Variants in DSE observed in about 807,000 individuals in gnomAD.
The protein encoded by DSE is dermatan-sulfate epimerase.
In DSE, 36 loss-of-function variants were observed where a neutral mutation model predicts 84.4. The ratio of observed to expected loss-of-function variants is 0.43; its 90% CI spans 0.33 to 0.56. The LOEUF is 0.56. Among genes scored for constraint, DSE ranks in the 20% least tolerant of loss-of-function variants. DSE has a pLI of 0.06. For synonymous variants in DSE, 410 were observed against 430.1 expected (o/e 0.95, Z 0.58); for missense variants, 862 against 1,169.6 (o/e 0.74, Z 3.84).
chr6:116,443,899 T>C lies in DSE; in HGVS notation c.*6554T>C, dbSNP rs562507256. ...AGGACACTAGAAGTACCTTTCTGTG[T>C]AAAGCAAACATCTTGTCAGTTTTCC... On this transcript the variant is annotated 3_prime_UTR_variant, in exon 6 of 6. Transcript: ENST00000644252. 6.6e-6 allele frequency: 1 copy of C among 152,356 alleles called. No individual in the cohort carries two copies. The highest frequency in any genetic ancestry group is 2.4e-5 in the African/African-American group (1 of 41,580). The allele number at this position is 152,356 out of a possible 1,614,324, so 9.4% of individuals were successfully genotyped here.
At chr6:116,265,452 T>C (rs1772583132) in intron 2 of DSE, among the ~76,000 whole-genome samples, 1 of 152,110 alleles carries the variant, frequency 6.6e-6, no homozygotes, top group Non-Finnish European at 1.5e-5. Flanking sequence ...CACTCCCACA[T>C]GCTGGTGGGG....
At chr6:116,357,261 G>T (rs907314261) in intron 2 of DSE, among the ~76,000 whole-genome samples, 8 of 152,162 alleles carry the variant, frequency 5.3e-5, no homozygotes, top group Non-Finnish European at 4.4e-5. Flanking sequence ...AGCCGGGCAC[G>T]GTGGCTCAAG....
chr6:116,344,829 C>A (rs947128025), intron 2 of DSE, among the ~76,000 whole-genome samples: 5 of 152,108 alleles, frequency 3.3e-5, no homozygotes, highest in African/African-American at 1.2e-4. Context: ...CACAGACCGG[C>A]AAATTGGATA....
chr6:116,295,004 C>T (rs1434279560), intron 2 of DSE, among the ~76,000 whole-genome samples: 3 of 152,066 alleles, frequency 2.0e-5, no homozygotes, highest in African/African-American at 4.8e-5. Flanking sequence ...TGTTCATGCC[C>T]TCGAGAGACT....
At chr6:116,292,907 A>G (rs1056548321) in intron 2 of DSE, among the ~76,000 whole-genome samples, 1 of 152,226 alleles carries the variant, frequency 6.6e-6, no homozygotes, top group Admixed American at 6.5e-5. Context: ...ATCTATATAA[A>G]TGCAAGAAAT....
intron 1 of DSE, among the ~76,000 whole-genome samples, chr6:116,376,979 C>G (rs773333265): frequency 8.5e-5 from 13 of 152,236 alleles, no homozygotes; most frequent in South Asian, 8.3e-4. Context: ...AGTTTTATTT[C>G]TAGACTTAAT....
intron 2 of DSE, among the ~76,000 whole-genome samples, chr6:116,261,210 T>C (rs1465815050): frequency 1.3e-5 from 2 of 150,346 alleles, no homozygotes; most frequent in Non-Finnish European, 2.9e-5. Context: ...TTAGGTGTAT[T>C]CCTAGGTACT....
At chr6:116,345,258 C>T (rs1777879581) in intron 2 of DSE, among the ~76,000 whole-genome samples, 1 of 152,170 alleles carries the variant, frequency 6.6e-6, no homozygotes, top group Non-Finnish European at 1.5e-5. Context: ...CAGCTCTGCA[C>T]CAAGCGGACC....
At chr6:116,380,744 T>C (rs1780172334) in intron 1 of DSE, among the ~76,000 whole-genome samples, 1 of 152,192 alleles carries the variant, frequency 6.6e-6, no homozygotes, top group African/African-American at 2.4e-5. Context: ...TATACCTGAG[T>C]TGGTGATCAA....
At chr6:116,323,951 CT>C (rs1341906396) in intron 2 of DSE, among the ~76,000 whole-genome samples, 1 of 152,070 alleles carries the variant, frequency 6.6e-6, no homozygotes, top group Non-Finnish European at 1.5e-5. Context: ...CAACTCTTCT[CT>C]TTTTTTCTGG....
rs146524076 is a variant in DSE, at chr6:116,399,328, C to T, written c.78C>T (p.Asp26=). 3.1e-6 allele frequency: 5 copies of T among 1,613,934 alleles called. No homozygotes were observed. The highest frequency in any genetic ancestry group is 3.4e-6 in the Non-Finnish European group (4 of 1,180,040). ...LLCFVSAYIT[D]ENPEVMIPFT... ...GCTTTGTGTCAGCCTACATCACCGA[C>T]GAGAACCCAGAAGTTATGATTCCCT... The change falls in exon 2 of 6, where the codon GAC becomes GAT. Residue 26 remains aspartate (D), a synonymous_variant. Coordinates refer to ENST00000644252, the MANE Select transcript of DSE (RefSeq NM_013352.4).
chr6:116,304,995 C>T (rs1228173130), intron 2 of DSE, among the ~76,000 whole-genome samples: 4 of 152,190 alleles, frequency 2.6e-5, no homozygotes, highest in Non-Finnish European at 5.9e-5. Context: ...TTTCCAGCTG[C>T]CTAGTACACA....
chr6:116,283,707 C>A (rs951134067), intron 2 of DSE, among the ~76,000 whole-genome samples: 12 of 152,112 alleles, frequency 7.9e-5, no homozygotes, highest in Non-Finnish European at 1.6e-4. Flanking sequence ...CCACACACGG[C>A]TAATTTTTGT....
chr6:116,291,602 A>G (rs542786181), intron 2 of DSE, among the ~76,000 whole-genome samples: 256 of 151,344 alleles, frequency 1.7e-3, no homozygotes, highest in Non-Finnish European at 2.9e-3. Context: ...ATATATATAC[A>G]TATTTGTTAA....
At chr6:116,281,718 A>C (rs1773551610) in intron 2 of DSE, among the ~76,000 whole-genome samples, 1 of 152,216 alleles carries the variant, frequency 6.6e-6, no homozygotes. Context: ...ACTACCTTAC[A>C]CAGTATCCCA....
intron 2 of DSE, chr6:116,400,089 A>G (rs910835487): frequency 4.2e-5 from 7 of 167,564 alleles, no homozygotes; most frequent in African/African-American, 1.7e-4. Context: ...GTAAGGAACT[A>G]AATGTGAATG....
intron 2 of DSE, among the ~76,000 whole-genome samples, chr6:116,332,360 A>G (rs571340414): frequency 4.7e-5 from 7 of 148,310 alleles, no homozygotes; most frequent in African/African-American, 1.8e-4. Context: ...ATTCAAATCA[A>G]AATCCCAGTT....
At chr6:116,408,715 G>C (rs1231672118) in intron 2 of DSE, among the ~76,000 whole-genome samples, 2 of 152,166 alleles carry the variant, frequency 1.3e-5, no homozygotes, top group African/African-American at 4.8e-5. Context: ...ACATCTTGGT[G>C]CATAGCTCAG....
chr6:116,356,651 A>T (rs1778586401), intron 2 of DSE, among the ~76,000 whole-genome samples: 1 of 152,224 alleles, frequency 6.6e-6, no homozygotes, highest in Admixed American at 6.5e-5. Context: ...CACTTTGCGA[A>T]TGACGAAACA....
Sources: allele counts gnomAD v4.1 joint callset (sites outside exome capture counted in the v4.1 genomes callset), GRCh38; gene constraint gnomAD v4.1.1; transcripts MANE v1.5; gene names NCBI Gene and HGNC (gene_info 2026-07-23, HGNC 2026-07-21).